Variants in GRAMD2B observed in about 807,000 individuals in gnomAD.
GRAMD2B encodes the protein GRAM domain containing 2B, also known as GRAM domain-containing protein 2B.
GRAMD2B carries 41 observed loss-of-function variants against 59.2 expected under a neutral mutation model. The ratio of observed to expected loss-of-function variants is 0.69; its 90% CI spans 0.54 to 0.90. The LOEUF (loss-of-function observed/expected upper bound fraction) is 0.90, where lower values mean the gene tolerates loss of function less well. GRAMD2B is among the 40% of genes least tolerant of loss of function. GRAMD2B has a pLI of 0.00. For synonymous variants in GRAMD2B, 161 were observed against 182.7 expected (o/e 0.88, Z 0.96); for missense variants, 424 against 500.5 (o/e 0.85, Z 1.46).
At chr5:126,379,887 G>C (rs1422969882) in intron 1 of GRAMD2B, among the ~76,000 whole-genome samples, 1 of 152,066 alleles carries the variant, frequency 6.6e-6, no homozygotes, top group East Asian at 1.9e-4. Flanking sequence ...TATTTCTTTT[G>C]CTTTTCAGAA....
intron 1 of GRAMD2B, among the ~76,000 whole-genome samples, chr5:126,387,484 TG>T (rs1444054383): frequency 5.9e-5 from 9 of 151,684 alleles, no homozygotes; most frequent in African/African-American, 2.2e-4. Context: ...TAAGAGAAGA[TG>T]GTTCTCCATC....
intron 8 of GRAMD2B, among the ~76,000 whole-genome samples, chr5:126,481,205 AAGAAAGAAAGAAAGAAAG>A (rs1459587465): frequency 9.3e-4 from 2 of 2,156 alleles, no homozygotes; most frequent in Non-Finnish European, 1.1e-3. Context: ...AAAAAAAAAA[AAGAAAGAAAGAAAGAAAG>A]AAAGAAAGAA....
chr5:126,447,586 C>G (rs1363281089), intron 1 of GRAMD2B, among the ~76,000 whole-genome samples: 2 of 151,606 alleles, frequency 1.3e-5, no homozygotes, highest in Non-Finnish European at 2.9e-5. Flanking sequence ...ATGGCGTGAA[C>G]CCGGGAGGCG....
intron 1 of GRAMD2B, among the ~76,000 whole-genome samples, chr5:126,414,408 C>T (rs1759083724): frequency 6.6e-6 from 1 of 152,074 alleles, no homozygotes; most frequent in Non-Finnish European, 1.5e-5. Context: ...TAAATTCTGA[C>T]TTGAATTAGT....
intron 1 of GRAMD2B, among the ~76,000 whole-genome samples, chr5:126,464,440 C>T (rs978191543): frequency 6.6e-6 from 1 of 152,182 alleles, no homozygotes; most frequent in Non-Finnish European, 1.5e-5. Context: ...CTTCCTTTCC[C>T]ACTTTCCCAT....
intron 1 of GRAMD2B, among the ~76,000 whole-genome samples, chr5:126,444,475 A>G (rs1311433343): frequency 6.6e-6 from 1 of 152,226 alleles, no homozygotes; most frequent in Admixed American, 6.5e-5. Context: ...TTGCAAAGAT[A>G]AGGGGACAGG....
chr5:126,472,325 CT>C (rs779977438), intron 4 of GRAMD2B, 21 bp downstream of exon 4: 18 of 1,596,520 alleles, frequency 1.1e-5, no homozygotes, highest in Non-Finnish European at 1.5e-5. Flanking sequence ...ACCTGTTTGA[CT>C]TTTTAAGCTA....
intron 1 of GRAMD2B, among the ~76,000 whole-genome samples, chr5:126,377,986 C>T (rs990899892): frequency 1.3e-5 from 2 of 152,104 alleles, no homozygotes; most frequent in African/African-American, 4.8e-5. Context: ...ACTATATACT[C>T]GATAATGCAG....
At chr5:126,423,084 G>A (rs1759921140), upstream of GRAMD2B, 1 of 842,236 alleles carries the variant, frequency 1.2e-6, no homozygotes, top group African/African-American at 1.8e-5. Context: ...ATGGGGCATA[G>A]GCCAGCCCAC....
chr5:126,402,627 C>G (rs939862029), intron 1 of GRAMD2B, among the ~76,000 whole-genome samples: 1 of 151,984 alleles, frequency 6.6e-6, no homozygotes, highest in African/African-American at 2.4e-5. Context: ...GGTTACTGAA[C>G]ACCAAACAAC....
chr5:126,364,486 G>A (rs1754353969), intron 1 of GRAMD2B, among the ~76,000 whole-genome samples: 1 of 152,194 alleles, frequency 6.6e-6, no homozygotes, highest in Non-Finnish European at 1.5e-5. Context: ...TCCCGCTCTT[G>A]TCCCGTACAA....
At chr5:126,468,826 C>T (rs1381804795) in intron 2 of GRAMD2B, among the ~76,000 whole-genome samples, 1 of 152,074 alleles carries the variant, frequency 6.6e-6, no homozygotes, top group Non-Finnish European at 1.5e-5. Flanking sequence ...GACTTATTGG[C>T]TCCATACCTT....
At chr5:126,397,514 A>G (rs2149733311) in intron 1 of GRAMD2B, among the ~76,000 whole-genome samples, 1 of 152,248 alleles carries the variant, frequency 6.6e-6, no homozygotes, top group South Asian at 2.1e-4. Context: ...GTGAGCCTCC[A>G]CACCTGGCTT....
chr5:126,450,855 G>A (rs1279770492), intron 1 of GRAMD2B, among the ~76,000 whole-genome samples: 1 of 152,140 alleles, frequency 6.6e-6, no homozygotes, highest in Non-Finnish European at 1.5e-5. Flanking sequence ...CTTCCACCTA[G>A]ATTTCAGAGG....
chr5:126,457,037 A>C (rs925039712), intron 1 of GRAMD2B, among the ~76,000 whole-genome samples: 2 of 151,874 alleles, frequency 1.3e-5, no homozygotes, highest in East Asian at 3.9e-4. Flanking sequence ...CTAAAAATAC[A>C]AAAAATTAGC....
intron 6 of GRAMD2B, 103 bp downstream of exon 6, chr5:126,477,890 TATC>T (rs1770935492): frequency 1.3e-6 from 1 of 744,144 alleles, no homozygotes; most frequent in Admixed American, 2.1e-5. Flanking sequence ...AAACCATAAA[TATC>T]ATCTCCTGTG....
At chr5:126,484,663 A>G (rs909161800) in intron 10 of GRAMD2B, 139 bp downstream of exon 10, 1 of 774,310 alleles carries the variant, frequency 1.3e-6, no homozygotes, top group African/African-American at 1.8e-5. Context: ...GGCTCACTGC[A>G]ACCTCTGCCT....
chr5:126,468,950 G>A (rs1449956142), intron 2 of GRAMD2B, among the ~76,000 whole-genome samples: 2 of 151,948 alleles, frequency 1.3e-5, no homozygotes, highest in Non-Finnish European at 2.9e-5. Flanking sequence ...CTGTGTTATG[G>A]GCCCCAAGAC....
At chr5:126,422,446 G>A (rs1032093502), upstream of GRAMD2B, among the ~76,000 whole-genome samples, 1 of 152,132 alleles carries the variant, frequency 6.6e-6, no homozygotes, top group Admixed American at 6.5e-5. Context: ...TGATCCACCC[G>A]CCTCGGCCTC....
Sources: gnomAD v4.1 joint callset for allele counts (sites outside exome capture counted in the v4.1 genomes callset) on GRCh38, gnomAD v4.1.1 for gene constraint, MANE v1.5 for transcripts, NCBI Gene and HGNC (gene_info 2026-07-23, HGNC 2026-07-21) for gene names.